The following KCNH7 variants were observed in gnomAD, a reference collection of about 807,000 sequenced individuals.
The protein encoded by KCNH7 is voltage-gated inwardly rectifying potassium channel KCNH7.
A neutral mutation model predicts 120.8 loss-of-function variants in KCNH7; 49 were observed. That is an observed-to-expected ratio of 0.41 (90% confidence interval 0.32 to 0.51). The LOEUF (loss-of-function observed/expected upper bound fraction) is 0.51. Ranked by LOEUF, KCNH7 falls within the 20% of genes least tolerant of loss-of-function variation. The probability of loss-of-function intolerance (pLI) is 0.38; values close to 1 mark genes in which losing one functional copy is unlikely to be tolerated. For missense variants in KCNH7, 1,097 were observed against 1,446.6 expected, an observed-to-expected ratio of 0.76 and a Z score of 3.92; for synonymous variants, 547 against 516.1, an observed-to-expected ratio of 1.06 and a Z score of -0.81.
intron 2 of KCNH7, among the ~76,000 whole-genome samples, chr2:162,703,606 G>A (rs1310582908): frequency 6.6e-6 from 1 of 152,104 alleles, no homozygotes; most frequent in African/African-American, 2.4e-5. Context: ...CACGGAGAAT[G>A]TTAAACATTG....
chr2:162,515,295 C>A (rs572323809), intron 4 of KCNH7, among the ~76,000 whole-genome samples: 1 of 151,626 alleles, frequency 6.6e-6, no homozygotes, highest in Non-Finnish European at 1.5e-5. Context: ...ACTGAGAAAT[C>A]CAAAAATATT....
chr2:162,497,356 A>G (rs142125471), intron 6 of KCNH7, among the ~76,000 whole-genome samples: 13 of 152,022 alleles, frequency 8.6e-5, no homozygotes, highest in African/African-American at 2.9e-4. Context: ...ACCAACAAAA[A>G]CCCCCATCCC....
intron 2 of KCNH7, chr2:162,795,563 T>C (rs1306903055): frequency 6.6e-6 from 1 of 152,048 alleles, no homozygotes; most frequent in Non-Finnish European, 1.5e-5. Flanking sequence ...AAATCTATAG[T>C]TCCAATCCTG....
At position 162,423,543 on chromosome 2, in the gene KCNH7, G is replaced by A. The variant is rs747060431; in HGVS notation, c.1955-8C>T. ...TGCTTGCATACATTAGTGCTGGATT[G>A]GATAAAAAACAAAGTTATCGGGGAA... On this transcript the variant is annotated splice_polypyrimidine_tract_variant and splice_region_variant and intron_variant, in intron 8 of 15. Coordinates refer to ENST00000332142, the MANE Select transcript of KCNH7 (RefSeq NM_033272.4). 18 of 1,609,002 alleles carry A rather than the reference G, an allele frequency of 1.1e-5. No homozygotes were observed. Among genetic ancestry groups the A allele is most frequent in the Non-Finnish European group, 1.5e-5 (18 of 1,176,350 alleles).
chr2:162,429,908 G>T (rs112434280), intron 8 of KCNH7, among the ~76,000 whole-genome samples: 4,811 of 139,352 alleles, frequency 0.035, 271 homozygotes, highest in African/African-American at 0.12. Flanking sequence ...CATCATCTTT[G>T]TAAATTCTGG....
At chr2:162,511,120 C>A (rs1691058388) in intron 5 of KCNH7, among the ~76,000 whole-genome samples, 1 of 151,516 alleles carries the variant, frequency 6.6e-6, no homozygotes, top group Non-Finnish European at 1.5e-5. Flanking sequence ...TGTTCAAAGA[C>A]TACTCCTATT....
chr2:162,561,782 T>C (rs1693077241), intron 2 of KCNH7, among the ~76,000 whole-genome samples: 1 of 152,196 alleles, frequency 6.6e-6, no homozygotes, highest in East Asian at 1.9e-4. Flanking sequence ...TGCAGCATTG[T>C]TCACAGTAGC....
intron 2 of KCNH7, among the ~76,000 whole-genome samples, chr2:162,779,800 T>C (rs1683407496): frequency 6.6e-6 from 1 of 152,162 alleles, no homozygotes; most frequent in Non-Finnish European, 1.5e-5. Context: ...CAACTCCGTG[T>C]CATTGTACAT....
At chr2:162,684,205 G>C (rs959674160) in intron 2 of KCNH7, among the ~76,000 whole-genome samples, 1 of 151,930 alleles carries the variant, frequency 6.6e-6, no homozygotes, top group Non-Finnish European at 1.5e-5. Context: ...AACTCAAGAT[G>C]GATTAAACAC....
At chr2:162,729,666 G>T (rs926614379) in intron 2 of KCNH7, among the ~76,000 whole-genome samples, 2 of 152,054 alleles carry the variant, frequency 1.3e-5, no homozygotes, top group Non-Finnish European at 2.9e-5. Context: ...ATAAAATGCT[G>T]ACTATAAGTA....
intron 2 of KCNH7, among the ~76,000 whole-genome samples, chr2:162,792,819 T>C (rs965009239): frequency 2.1e-5 from 3 of 144,246 alleles, no homozygotes; most frequent in Non-Finnish European, 3.0e-5. Flanking sequence ...CTCAATCTCC[T>C]TCAGTTCAGC....
intron 2 of KCNH7, among the ~76,000 whole-genome samples, chr2:162,689,856 T>C (rs1052813333): frequency 3.3e-5 from 5 of 152,114 alleles, no homozygotes; most frequent in African/African-American, 1.2e-4. Flanking sequence ...CCATTCAATC[T>C]AGCAATCCCA....
At chr2:162,509,895 G>T (rs570248933) in intron 5 of KCNH7, among the ~76,000 whole-genome samples, 1 of 151,670 alleles carries the variant, frequency 6.6e-6, no homozygotes, top group South Asian at 2.1e-4. Context: ...GGGAAGCAGG[G>T]TTACTTGAGA....
chr2:162,671,374 T>C (rs923282129), intron 2 of KCNH7, among the ~76,000 whole-genome samples: 3 of 150,502 alleles, frequency 2.0e-5, no homozygotes, highest in African/African-American at 7.3e-5. Flanking sequence ...TATTCAGCCA[T>C]TAAAAAAATG....
chr2:162,384,468 G>C (rs1414991420), intron 13 of KCNH7, among the ~76,000 whole-genome samples: 1 of 151,898 alleles, frequency 6.6e-6, no homozygotes, highest in Non-Finnish European at 1.5e-5. Flanking sequence ...GGTTGGTCAC[G>C]AAAACCTCTC....
In KCNH7 at chr2:162,384,846, G is replaced by A; in HGVS notation, c.2804C>T (p.Ser935Leu). 1 of 1,612,768 alleles carries A rather than the reference G, an allele frequency of 6.2e-7. No homozygotes were observed. Among genetic ancestry groups the A allele is most frequent in the Non-Finnish European group, 8.5e-7 (1 of 1,179,078 alleles). The change falls in exon 13 of 16, where the codon TCA becomes TTA. Residue 935 changes from serine to leucine, a missense_variant. Ser to Leu is a moderately radical substitution (Grantham distance 145). Around this residue, in one of 8 missense-constraint regions of KCNH7, gnomAD observed 406 missense variants for 410.5 expected, o/e 0.99. Transcript: ENST00000332142. The stretch of plus-strand genomic sequence containing the variant: ...ATCATCAATGGAGGAGATGAAAGAT[G>A]AGGATCTGCTTTTTTTCTCTTCAAA... The part of the protein sequence containing the change: ...RHFEEKKSRS[S>L]SFISSIDDEQ...
At chr2:162,551,080 GAATGACAAATTAAGGGTAATTTGCC>G (rs1175338808) in intron 2 of KCNH7, among the ~76,000 whole-genome samples, 10 of 152,042 alleles carry the variant, frequency 6.6e-5, no homozygotes, top group Non-Finnish European at 1.3e-4. Context: ...GTGGTCAAAA[GAATGACAAATTAAGGGTAATTTGCC>G]AAGATCAAAT....
At chr2:162,795,405 C>A (rs1325125900) in intron 2 of KCNH7, 1 of 151,906 alleles carries the variant, frequency 6.6e-6, no homozygotes, top group South Asian at 2.1e-4. Context: ...GGGACACCCT[C>A]TTTTTAAAGG....
chr2:162,813,974 T>C (rs547669782), intron 2 of KCNH7, among the ~76,000 whole-genome samples: 1 of 152,202 alleles, frequency 6.6e-6, no homozygotes, highest in Non-Finnish European at 1.5e-5. Flanking sequence ...AAGTGAATCA[T>C]TCCATTAAAC....
Sources: allele counts gnomAD v4.1 joint callset (sites outside exome capture counted in the v4.1 genomes callset), GRCh38; gene constraint gnomAD v4.1.1; regional missense constraint gnomAD v4.1.1; transcripts MANE v1.5; gene names NCBI Gene and HGNC (gene_info 2026-07-23, HGNC 2026-07-21).